KIAA0513: variants seen among roughly 807,000 people sequenced by gnomAD.
The protein encoded by KIAA0513 is KIAA0513.
In KIAA0513, 39 loss-of-function variants were observed where a neutral mutation model predicts 56.5. The observed-to-expected ratio is 0.69, with a 90% confidence interval of 0.53 to 0.90. KIAA0513 has a LOEUF of 0.90. Ranked by LOEUF, KIAA0513 falls within the 40% of genes least tolerant of loss-of-function variation. The pLI, the probability that KIAA0513 is intolerant of heterozygous loss-of-function variation, is 0.00. For missense variants in KIAA0513, 591 were observed against 535.2 expected, an observed-to-expected ratio of 1.10 and a Z score of -1.03; for synonymous variants, 268 against 215.6, an observed-to-expected ratio of 1.24 and a Z score of -2.13.
At chr16:85,052,696 G>T (rs1244747683) in intron 1 of KIAA0513, among the ~76,000 whole-genome samples, 1 of 152,124 alleles carries the variant, frequency 6.6e-6, no homozygotes, top group Non-Finnish European at 1.5e-5. Flanking sequence ...GGAGCAGCCT[G>T]ACCAGCAGAA....
chr16:85,067,697 G>A (rs950235623), intron 2 of KIAA0513, among the ~76,000 whole-genome samples: 2 of 152,198 alleles, frequency 1.3e-5, no homozygotes, highest in African/African-American at 2.4e-5. Context: ...ATTTGGAAGG[G>A]CAACCATGCA....
intron 1 of KIAA0513, among the ~76,000 whole-genome samples, chr16:85,028,885 G>A (rs1206398676): frequency 6.6e-6 from 1 of 152,140 alleles, no homozygotes; most frequent in East Asian, 1.9e-4. Flanking sequence ...TCAGGACCGA[G>A]GCTGCTTTAG....
chr16:85,033,537 C>A (rs9930883), intron 1 of KIAA0513, among the ~76,000 whole-genome samples: 60,609 of 152,112 alleles, frequency 0.4, 13,400 homozygotes, highest in African/African-American at 0.59. Context: ...TAGAAGCCTC[C>A]TCCCGTGTGT....
chr16:85,088,376 CG>C lies in KIAA0513; in HGVS notation c.*54del, dbSNP rs1567549595. ...GGACTGAGGCCATGTGCCATTCTCC[CG>C]GGCCCAGCGCCCGGCCGTCACCCCA... On this transcript the variant is annotated 3_prime_UTR_variant, in exon 13 of 13. Transcript: ENST00000683363. 6.5e-7 allele frequency: 1 copy of C among 1,542,390 alleles called. No homozygotes were observed. The highest frequency in any genetic ancestry group is 8.9e-7 in the Non-Finnish European group (1 of 1,126,188).
At chr16:85,077,354 C>A in intron 5 of KIAA0513, 71 bp from the exon 6 acceptor site, 5 of 1,452,320 alleles carry the variant, frequency 3.4e-6, no homozygotes, top group Non-Finnish European at 4.8e-6. Flanking sequence ...GGGGCTCCCT[C>A]TGGGCCTCTG....
chr16:85,030,294 GTTCTC>G (rs2072945759), intron 1 of KIAA0513, among the ~76,000 whole-genome samples: 1 of 152,208 alleles, frequency 6.6e-6, no homozygotes, highest in Non-Finnish European at 1.5e-5. Context: ...AGAGCACGCA[GTTCTC>G]CGGCAGCCTG....
intron 1 of KIAA0513, among the ~76,000 whole-genome samples, chr16:85,059,074 AT>A (rs986784992): frequency 2.6e-5 from 4 of 152,218 alleles, no homozygotes; most frequent in Admixed American, 2.0e-4. Context: ...CTAAAAGGAC[AT>A]TGAAATTTCC....
intron 1 of KIAA0513, among the ~76,000 whole-genome samples, chr16:85,036,984 A>C (rs2073044535): frequency 6.6e-6 from 1 of 152,092 alleles, no homozygotes; most frequent in Admixed American, 6.6e-5. Flanking sequence ...CCTGCCTCTA[A>C]ATATCAGAAA....
intron 1 of KIAA0513, among the ~76,000 whole-genome samples, chr16:85,040,426 A>T (rs1567521785): frequency 6.6e-6 from 1 of 152,022 alleles, no homozygotes; most frequent in Non-Finnish European, 1.5e-5. Context: ...ACTACTCGGG[A>T]GGCTGAGGTA....
At chr16:85,078,158 C>T (rs574447074) in intron 6 of KIAA0513, among the ~76,000 whole-genome samples, 5 of 152,174 alleles carry the variant, frequency 3.3e-5, no homozygotes, top group Admixed American at 3.3e-4. Context: ...GGGCCACAGC[C>T]GGGTGCCTTG....
intron 2 of KIAA0513, among the ~76,000 whole-genome samples, chr16:85,071,076 AG>A (rs1422713065): frequency 6.6e-6 from 1 of 152,182 alleles, no homozygotes. Flanking sequence ...TCCATTTTTG[AG>A]TCTTTAAATT....
intron 1 of KIAA0513, among the ~76,000 whole-genome samples, chr16:85,037,594 C>G (rs928108840): frequency 6.6e-6 from 1 of 152,222 alleles, no homozygotes; most frequent in African/African-American, 2.4e-5. Flanking sequence ...ATAGAAAACC[C>G]GTTAACCAAG....
At chr16:85,085,532 G>C (rs2073798339) in intron 10 of KIAA0513, among the ~76,000 whole-genome samples, 1 of 152,314 alleles carries the variant, frequency 6.6e-6, no homozygotes, top group African/African-American at 2.4e-5. Flanking sequence ...TCTTTTTAGG[G>C]GGAAAGGGGC....
At chr16:85,034,808 A>G (rs548423934) in intron 1 of KIAA0513, among the ~76,000 whole-genome samples, 160 of 152,314 alleles carry the variant, frequency 1.1e-3, no homozygotes, top group African/African-American at 3.8e-3. Flanking sequence ...AAACTGAGGC[A>G]TAGAGAGGCA....
At chr16:85,061,405 C>T (rs930342413) in intron 1 of KIAA0513, among the ~76,000 whole-genome samples, 1 of 152,162 alleles carries the variant, frequency 6.6e-6, no homozygotes, top group Admixed American at 6.5e-5. Context: ...GTTCCTTGCC[C>T]GGTCTCTTCC....
chr16:85,048,864 A>G (rs1023610260), intron 1 of KIAA0513, among the ~76,000 whole-genome samples: 4 of 152,180 alleles, frequency 2.6e-5, no homozygotes, highest in Admixed American at 1.3e-4. Context: ...CACAATAACA[A>G]TCTTCCGATT....
intron 1 of KIAA0513, among the ~76,000 whole-genome samples, chr16:85,033,596 A>G (rs2072996130): frequency 1.3e-5 from 2 of 151,946 alleles, no homozygotes; most frequent in African/African-American, 4.8e-5. Context: ...GCACTTCTGC[A>G]TCTCATATCT....
At chr16:85,052,312 GGCT>G (rs1243339656) in intron 1 of KIAA0513, among the ~76,000 whole-genome samples, 1 of 149,092 alleles carries the variant, frequency 6.7e-6, no homozygotes, top group Non-Finnish European at 1.5e-5. Context: ...GAACGAGCAA[GGCT>G]CTGTCTCAAA....
chr16:85,038,092 T>C (rs2073058101), intron 1 of KIAA0513, among the ~76,000 whole-genome samples: 1 of 152,234 alleles, frequency 6.6e-6, no homozygotes, highest in African/African-American at 2.4e-5. Context: ...CCTGCTTCCA[T>C]GGGCTGGTCC....
Sources: allele counts gnomAD v4.1 joint callset (sites outside exome capture counted in the v4.1 genomes callset), GRCh38; gene constraint gnomAD v4.1.1; transcripts MANE v1.5; gene names NCBI Gene and HGNC (gene_info 2026-07-23, HGNC 2026-07-21).